The following LRRC7 variants were observed in gnomAD, a reference collection of about 807,000 sequenced individuals.
LRRC7 encodes the protein leucine-rich repeat-containing protein 7.
Under a neutral mutation model 175.7 loss-of-function variants are expected in LRRC7, and 23 were observed. The ratio of observed to expected loss-of-function variants is 0.13; its 90% confidence interval spans 0.09 to 0.19. The LOEUF (loss-of-function observed/expected upper bound fraction) is 0.19. Ranked by LOEUF, LRRC7 falls within the 10% of genes least tolerant of loss-of-function variation. LRRC7 has a pLI of 1.00. For missense variants in LRRC7, 1,354 were observed against 1,904.7 expected, an observed-to-expected ratio of 0.71 and a Z score of 5.38; for synonymous variants, 685 against 680.9, an observed-to-expected ratio of 1.01 and a Z score of -0.09.
rs1002973941 is a variant in LRRC7, at chr1:70,118,089, A to G, written c.4621-3691A>G. On this transcript the variant is annotated intron_variant, in intron 26 of 26. Transcript: ENST00000651989. The stretch of plus-strand genomic sequence containing the variant: ...CACACACACACACACACACACACAC[A>G]CACGCACACGAACAAAAATGCAAAA... Among the ~76,000 whole-genome samples, 9 of 151,654 alleles carry G rather than the reference A, an allele frequency of 5.9e-5. No individual in the cohort carries two copies. In the South Asian group the frequency reaches 1.0e-3, roughly 18 times the overall value.
chr1:69,740,279 A>G (rs1221101875), intron 2 of LRRC7, among the ~76,000 whole-genome samples: 1 of 152,054 alleles, frequency 6.6e-6, no homozygotes, highest in Non-Finnish European at 1.5e-5. Context: ...GCCTCTTTCC[A>G]TGGTTTGCAG....
chr1:69,651,022 CCT>C (rs1226962797), intron 1 of LRRC7, among the ~76,000 whole-genome samples: 1 of 152,054 alleles, frequency 6.6e-6, no homozygotes, highest in African/African-American at 2.4e-5. Context: ...TAAATTATTC[CCT>C]GAGACAGTTT....
intron 1 of LRRC7, among the ~76,000 whole-genome samples, chr1:69,595,941 T>C (rs749364910): frequency 1.6e-4 from 19 of 117,936 alleles, no homozygotes; most frequent in Non-Finnish European, 3.2e-4. Context: ...CAGTGAGTGA[T>C]TGCCTACTCG....
intron 7 of LRRC7, among the ~76,000 whole-genome samples, chr1:69,885,503 C>A (rs947015679): frequency 7.0e-6 from 1 of 141,868 alleles, no homozygotes; most frequent in Non-Finnish European, 1.5e-5. Flanking sequence ...TGATTCTTCT[C>A]TCTTTTTTTC....
intron 1 of LRRC7, among the ~76,000 whole-genome samples, chr1:69,618,521 G>A (rs1239227604): frequency 6.6e-6 from 1 of 152,080 alleles, no homozygotes; most frequent in African/African-American, 2.4e-5. Flanking sequence ...TGCTATGAAG[G>A]CTGTCTTAGT....
At chr1:69,651,882 G>C (rs1655882535) in intron 1 of LRRC7, among the ~76,000 whole-genome samples, 1 of 152,104 alleles carries the variant, frequency 6.6e-6, no homozygotes, top group Non-Finnish European at 1.5e-5. Flanking sequence ...AACTGGCAGA[G>C]TTTGCATTCC....
At chr1:69,624,540 A>G (rs1749490) in intron 1 of LRRC7, among the ~76,000 whole-genome samples, 152,132 of 152,144 alleles carry the variant, frequency 1, 76,060 homozygotes, top group Middle Eastern at 1. Context: ...ATCTTTTTTC[A>G]GTGGGGTAGG....
intron 2 of LRRC7, among the ~76,000 whole-genome samples, chr1:69,733,049 A>G (rs559792453): frequency 1.3e-5 from 2 of 152,174 alleles, no homozygotes; most frequent in African/African-American, 2.4e-5. Flanking sequence ...GAAAAAATAC[A>G]TAGAACATGT....
At chr1:69,785,800 A>G (rs188569129) in intron 3 of LRRC7, among the ~76,000 whole-genome samples, 96 of 152,270 alleles carry the variant, frequency 6.3e-4, no homozygotes, top group African/African-American at 2.2e-3. Flanking sequence ...ATATAATATA[A>G]TAATAATCCG....
At chr1:70,032,668 G>A (rs1658881978) in intron 18 of LRRC7, among the ~76,000 whole-genome samples, 1 of 152,040 alleles carries the variant, frequency 6.6e-6, no homozygotes, top group Non-Finnish European at 1.5e-5. Flanking sequence ...TCCAGTAACA[G>A]AGAATTGTCC....
intron 8 of LRRC7, among the ~76,000 whole-genome samples, chr1:69,944,620 A>G (rs1649107134): frequency 6.6e-6 from 1 of 151,958 alleles, no homozygotes; most frequent in African/African-American, 2.4e-5. Context: ...TTACGTTCCC[A>G]CCAACAGTAC....
At chr1:69,620,256 G>T (rs755765669) in intron 1 of LRRC7, among the ~76,000 whole-genome samples, 3 of 92,152 alleles carry the variant, frequency 3.3e-5, no homozygotes, top group Non-Finnish European at 6.3e-5. Flanking sequence ...TAAATGGATT[G>T]ATAACTATTT....
chr1:70,044,172 A>G, intron 22 of LRRC7, 78 bp downstream of exon 22: 1 of 1,486,376 alleles, frequency 6.7e-7, no homozygotes, highest in Admixed American at 1.7e-5. Context: ...TGTTTAGGCT[A>G]TACATACAAC....
chr1:69,804,069 T>C (rs1020849786), intron 4 of LRRC7, among the ~76,000 whole-genome samples: 3 of 151,428 alleles, frequency 2.0e-5, no homozygotes, highest in African/African-American at 4.8e-5. Context: ...TTTTACTTTC[T>C]TATGGTTTAC....
At chr1:69,830,690 T>G (rs1410057301) in intron 5 of LRRC7, among the ~76,000 whole-genome samples, 1 of 151,822 alleles carries the variant, frequency 6.6e-6, no homozygotes, top group Non-Finnish European at 1.5e-5. Flanking sequence ...AAGTGCAGAG[T>G]AACCATTCAA....
At chr1:69,865,479 T>TTTTTTG (rs1684834823) in intron 7 of LRRC7, among the ~76,000 whole-genome samples, 1 of 107,768 alleles carries the variant, frequency 9.3e-6, no homozygotes, top group Non-Finnish European at 2.0e-5. Flanking sequence ...CTTTTTTTTT[T>TTTTTTG]TTTTTTTTTT....
At chr1:70,116,546 CAAAAAAAAAA>C (rs11336931) in intron 26 of LRRC7, among the ~76,000 whole-genome samples, 1 of 104,916 alleles carries the variant, frequency 9.5e-6, no homozygotes, top group East Asian at 2.8e-4. Flanking sequence ...GACTCCATGT[CAAAAAAAAAA>C]AAAAAAAAAC....
chr1:69,740,514 A>C (rs1668593580), intron 2 of LRRC7, among the ~76,000 whole-genome samples: 1 of 152,086 alleles, frequency 6.6e-6, no homozygotes, highest in African/African-American at 2.4e-5. Context: ...CCAGAATCCC[A>C]GCAGATTCAG....
intron 7 of LRRC7, among the ~76,000 whole-genome samples, chr1:69,911,329 C>T (rs1025570979): frequency 3.3e-5 from 5 of 152,182 alleles, no homozygotes; most frequent in African/African-American, 4.8e-5. Flanking sequence ...TGTTCCTATT[C>T]GGCCTTCTTG....
Sources: gnomAD v4.1 joint callset for allele counts (sites outside exome capture counted in the v4.1 genomes callset) on GRCh38, gnomAD v4.1.1 for gene constraint, MANE v1.5 for transcripts, NCBI Gene and HGNC (gene_info 2026-07-23, HGNC 2026-07-21) for gene names.